Variants in IGSF9B observed in about 807,000 individuals in gnomAD.
IGSF9B encodes protein turtle homolog B.
A neutral mutation model predicts 143.7 loss-of-function variants in IGSF9B; 48 were observed. The ratio of observed to expected loss-of-function variants is 0.33; its 90% confidence interval spans 0.26 to 0.42. The LOEUF is 0.42. Among genes scored for constraint, IGSF9B ranks in the 20% least tolerant of loss-of-function variants. The pLI is 1.00. For synonymous variants in IGSF9B, 903 were observed against 833.1 expected, an observed-to-expected ratio of 1.08 and a Z score of -1.44; for missense variants, 1,706 against 1,980.0, an observed-to-expected ratio of 0.86 and a Z score of 2.63.
At chr11:133,955,999 C>T (rs1244785048) in intron 1 of IGSF9B, among the ~76,000 whole-genome samples, 1 of 152,066 alleles carries the variant, frequency 6.6e-6, no homozygotes, top group Non-Finnish European at 1.5e-5. Context: ...GAACTTTTGC[C>T]TGGCCGGGGC....
Position 133,907,149 on chromosome 11 carries a change from A to T in IGSF9B, c.*1920T>A, listed in dbSNP as rs1939221749. 6.6e-6 allele frequency among the ~76,000 whole-genome samples: 1 copy of T among 151,958 alleles called. No homozygotes were observed. Among genetic ancestry groups the T allele is most frequent in the Non-Finnish European group, 1.5e-5 (1 of 67,996 alleles). On this transcript the variant is annotated 3_prime_UTR_variant, in exon 20 of 20. Coordinates refer to ENST00000533871, the MANE Select transcript of IGSF9B (RefSeq NM_001277285.4). The stretch of plus-strand genomic sequence containing the variant: ...GCCCCTGCGTGCCTCTCTCACCATG[A>T]CCCCTTCAGATGTGTTCAGAAAGGA...
chr11:133,921,575 CT>C (rs973072819), intron 17 of IGSF9B, among the ~76,000 whole-genome samples, 178 bp from the exon 18 acceptor site: 17 of 148,952 alleles, frequency 1.1e-4, no homozygotes, highest in Admixed American at 4.7e-4. Flanking sequence ...GTGAATCCTC[CT>C]TTTTTTTTTA....
Position 133,935,912 on chromosome 11 carries a change from T to A in IGSF9B, c.821+141A>T, listed in dbSNP as rs941323880. 3.6e-6 allele frequency: 5 copies of A among 1,383,504 alleles called. No homozygotes were observed. In the African/African-American group the frequency reaches 4.3e-5, roughly 12 times the overall value. The allele number at this position is 1,383,504 out of a possible 1,614,324, so 85.7% of individuals were successfully genotyped here. ...CTCCATGCAGACCCTGGCCTTGGCA[T>A]GTGAGACACACGGACCAGACTGCCC... is the stretch of plus-strand genomic sequence containing the variant. On this transcript the variant is annotated intron_variant, in intron 6 of 19. Transcript: ENST00000533871.
intron 13 of IGSF9B, among the ~76,000 whole-genome samples, chr11:133,926,492 C>T (rs1413571254): frequency 1.3e-5 from 2 of 152,184 alleles, no homozygotes; most frequent in African/African-American, 4.8e-5. Flanking sequence ...TGTGGCCAGG[C>T]AGGGAGGAGT....
At chr11:133,929,165 C>A (rs1014158986) in intron 12 of IGSF9B, among the ~76,000 whole-genome samples, 1 of 152,112 alleles carries the variant, frequency 6.6e-6, no homozygotes, top group African/African-American at 2.4e-5. Flanking sequence ...GGTGGATACC[C>A]CTTTACCCTG....
At position 133,948,093 on chromosome 11, in the gene IGSF9B, G is replaced by A. The variant is rs1172361488; in HGVS notation, c.65-1835C>T. 7.1e-6 allele frequency among the ~76,000 whole-genome samples: 1 copy of A among 141,834 alleles called. No homozygotes were observed. Among genetic ancestry groups the A allele is most frequent in the Non-Finnish European group, 1.6e-5 (1 of 63,256 alleles). The allele number at this position is 141,834 out of a possible 152,430, so 93.0% of individuals were successfully genotyped here. On this transcript the variant is annotated intron_variant, in intron 1 of 19. Coordinates refer to ENST00000533871, the MANE Select transcript of IGSF9B (RefSeq NM_001277285.4). This position sits in a 1 kb window ranked among gnomAD's most constrained non-coding sequence, Gnocchi z 4.7. ...TGTGTGTGTGTGTGTGTGTGTGTCT[G>A]TGTGTGTTTCGGTTGGCTCATGCAA...
At chr11:133,952,308 G>A in intron 1 of IGSF9B, 1 of 287,086 alleles carries the variant, frequency 3.5e-6, no homozygotes, top group Non-Finnish European at 7.1e-6. Context: ...CTGAGACACA[G>A]CCACACCCTC....
chr11:133,935,263 G>A (rs908038665), intron 7 of IGSF9B, among the ~76,000 whole-genome samples: 18 of 152,254 alleles, frequency 1.2e-4, no homozygotes, highest in Admixed American at 9.2e-4. Flanking sequence ...CCTGAGAAAA[G>A]AGCACCAGAG....
In IGSF9B at chr11:133,948,389, G is replaced by A. The variant is rs558531530; in HGVS notation, c.65-2131C>T. Among the ~76,000 whole-genome samples, 4 of 152,072 alleles carry A rather than the reference G, an allele frequency of 2.6e-5. No individual in the cohort carries two copies. Among genetic ancestry groups the A allele is most frequent in the Non-Finnish European group, 5.9e-5 (4 of 68,018 alleles). ...AGAGCATTGCACTCACCTGCCTGAG[G>A]CCCCAGCATGCTTCCCAATTTCCCC... On this transcript the variant is annotated intron_variant, in intron 1 of 19. Coordinates refer to ENST00000533871, the MANE Select transcript of IGSF9B (RefSeq NM_001277285.4). The surrounding 1 kb of genome is among the most constrained non-coding windows in gnomAD (Gnocchi z 4.7).
At chr11:133,954,913 G>A (rs1265155265) in intron 1 of IGSF9B, among the ~76,000 whole-genome samples, 1 of 152,202 alleles carries the variant, frequency 6.6e-6, no homozygotes, top group Non-Finnish European at 1.5e-5. Context: ...TTCAATTTTG[G>A]GAAGCCCTTC....
intron 1 of IGSF9B, 30 bp downstream of exon 1, chr11:133,956,661 G>T: frequency 6.7e-7 from 1 of 1,485,838 alleles, no homozygotes; most frequent in Non-Finnish European, 9.1e-7. Flanking sequence ...GCCGGGAGGG[G>T]CAGGGGAGGG....
At position 133,906,036 on chromosome 11, in the gene IGSF9B, G is replaced by C. The variant is rs553455171; in HGVS notation, c.*3033C>G. Among the ~76,000 whole-genome samples the C allele has an allele frequency of 6.7e-4, 102 of 151,420 alleles. No homozygotes were observed. The highest frequency in any genetic ancestry group is 2.4e-3 in the African/African-American group (97 of 40,844). Reference sequence around the variant, plus strand: ...GAGGCAGACAGACATCTGAGACACAGAAGCAGGTTTACATCTGAGTCGTGT... The same window carrying C: ...GAGGCAGACAGACATCTGAGACACACAAGCAGGTTTACATCTGAGTCGTGT... On this transcript the variant is annotated 3_prime_UTR_variant, in exon 20 of 20. Transcript: ENST00000533871.
intron 11 of IGSF9B, among the ~76,000 whole-genome samples, chr11:133,930,295 G>A (rs1446299449): frequency 6.6e-6 from 1 of 152,078 alleles, no homozygotes; most frequent in African/African-American, 2.4e-5. Flanking sequence ...GAAAGCATTC[G>A]GGCCACGGCA....
Position 133,928,104 on chromosome 11 carries a change from A to G in IGSF9B, c.1632-1013T>C, listed in dbSNP as rs549281468. 1.3e-5 allele frequency among the ~76,000 whole-genome samples: 2 copies of G among 152,208 alleles called. No individual in the cohort carries two copies. The highest frequency in any genetic ancestry group is 3.9e-4 in the East Asian group (2 of 5,172). ...AGCAGCAGCGTGGAGCAGCAGCGTG[A>G]AGCAGCACCGCAAGCAGCAGGGGAG... On this transcript the variant is annotated intron_variant, in intron 12 of 19. Coordinates refer to ENST00000533871, the MANE Select transcript of IGSF9B (RefSeq NM_001277285.4). This position sits in a 1 kb window ranked among gnomAD's most constrained non-coding sequence, Gnocchi z 4.7.
At chr11:133,937,659 G>A (rs1011565543) in intron 4 of IGSF9B, 151 bp downstream of exon 4, 41 of 1,111,606 alleles carry the variant, frequency 3.7e-5, no homozygotes, top group South Asian at 1.3e-4. Flanking sequence ...TCCCGCCAGC[G>A]ACACAGAGAC....
intron 3 of IGSF9B, among the ~76,000 whole-genome samples, chr11:133,940,937 C>T (rs541871059): frequency 7.9e-5 from 12 of 152,242 alleles, no homozygotes; most frequent in Non-Finnish European, 1.8e-4. Flanking sequence ...TTATCTCCGA[C>T]ACAGCCCCTG....
At chr11:133,917,373 G>A (rs995910383) in intron 18 of IGSF9B, among the ~76,000 whole-genome samples, 25 of 152,218 alleles carry the variant, frequency 1.6e-4, no homozygotes, top group African/African-American at 4.6e-4. Context: ...GGCTGACTGC[G>A]GGGGCAGGGG....
rs566234899 is a variant in IGSF9B at position 133,908,224 on chromosome 11, G to T, written c.*845C>A. 6.4e-4 allele frequency among the ~76,000 whole-genome samples: 97 copies of T among 152,290 alleles called. No homozygotes were observed. The South Asian group carries it at 0.016, about 25-fold the overall frequency. On this transcript the variant is annotated 3_prime_UTR_variant, in exon 20 of 20. Coordinates refer to ENST00000533871, the MANE Select transcript of IGSF9B (RefSeq NM_001277285.4). The stretch of plus-strand genomic sequence containing the variant: ...CCTCTACTCCTGCAGCGTGAGCCAC[G>T]CTGGAAGGAAGAAAGATGCAGGTCT...
In IGSF9B at chr11:133,920,383, T is replaced by A. The variant is rs765353595; in HGVS notation, c.3342A>T (p.Pro1114=). The change falls in exon 18 of 20, where the codon CCA becomes CCT. Residue 1114 remains proline, a synonymous_variant. Transcript: ENST00000533871. ...AGKSPGRGPV[P]APPAAKWQDR... ...CCTGCCACTTGGCGGCGGGGGGCGCTGGGACAGGGCCCCTGCCGGGCGACT... is the reference window on the plus strand; with the variant it reads ...CCTGCCACTTGGCGGCGGGGGGCGCAGGGACAGGGCCCCTGCCGGGCGACT... The A allele has an allele frequency of 6.2e-7, 1 of 1,602,876 alleles. No individual in the cohort carries two copies. The highest frequency in any genetic ancestry group is 8.5e-7 in the Non-Finnish European group (1 of 1,175,448).
Sources: allele counts gnomAD v4.1 joint callset (sites outside exome capture counted in the v4.1 genomes callset), GRCh38; gene constraint gnomAD v4.1.1; non-coding constraint Gnocchi (gnomAD v3.1); transcripts MANE v1.5; gene names NCBI Gene and HGNC (gene_info 2026-07-23, HGNC 2026-07-21).